Variants in LINGO2 observed in about 807,000 individuals in gnomAD.
LINGO2 encodes leucine-rich repeat and immunoglobulin-like domain-containing nogo receptor-interacting protein 2.
Under a neutral mutation model 30.6 loss-of-function variants are expected in LINGO2, and 14 were observed. The observed-to-expected ratio is 0.46, with a 90% CI of 0.30 to 0.72. The LOEUF (loss-of-function observed/expected upper bound fraction) is 0.72. LINGO2 is among the 30% of genes least tolerant of loss of function. The pLI is 0.07. For missense variants in LINGO2, 729 were observed against 751.7 expected, an observed-to-expected ratio of 0.97 and a Z score of 0.35; for synonymous variants, 317 against 288.5, an observed-to-expected ratio of 1.10 and a Z score of -1.00.
At chr9:28,671,990 T>C (rs973916867), upstream of LINGO2, among the ~76,000 whole-genome samples, 1 of 152,140 alleles carries the variant, frequency 6.6e-6, no homozygotes, top group African/African-American at 2.4e-5. Context: ...ATATTTCTTA[T>C]TATGTGCTTT....
intron 4 of LINGO2, among the ~76,000 whole-genome samples, chr9:28,271,438 A>C (rs1008713730): frequency 6.6e-6 from 1 of 151,082 alleles, no homozygotes; most frequent in African/African-American, 2.5e-5. Flanking sequence ...GTAAATAATT[A>C]AGAAGTAAAA....
chr9:28,424,098 A>G (rs1823311290), intron 2 of LINGO2, among the ~76,000 whole-genome samples: 1 of 152,104 alleles, frequency 6.6e-6, no homozygotes, highest in South Asian at 2.1e-4. Context: ...ATACTAATTT[A>G]TAAGGAAATT....
At chr9:29,055,796 T>C in the LINGO2 span, among the ~76,000 whole-genome samples, 3 of 151,960 alleles carry the variant, frequency 2.0e-5, no homozygotes, top group Non-Finnish European at 4.4e-5. Flanking sequence ...CTCCCACTTA[T>C]GAGTGAGAAC....
intron 4 of LINGO2, among the ~76,000 whole-genome samples, chr9:28,282,074 G>C (rs758977893): frequency 7.2e-5 from 11 of 152,134 alleles, no homozygotes; most frequent in Non-Finnish European, 1.5e-4. Flanking sequence ...GTAGAGGCCA[G>C]ATGCAGACTT....
chr9:28,121,208 T>A (rs1251162267), intron 4 of LINGO2, among the ~76,000 whole-genome samples: 1 of 152,014 alleles, frequency 6.6e-6, no homozygotes, highest in Non-Finnish European at 1.5e-5. Context: ...AGAGAGCAAT[T>A]GTATATATGC....
chr9:28,031,550 A>G (rs1265271714), intron 4 of LINGO2, among the ~76,000 whole-genome samples: 2 of 152,190 alleles, frequency 1.3e-5, no homozygotes, highest in Non-Finnish European at 2.9e-5. Context: ...AGGATCTGCC[A>G]CTTACTTGCT....
intron 5 of LINGO2, among the ~76,000 whole-genome samples, chr9:28,003,392 G>C (rs1433435639): frequency 2.0e-5 from 3 of 148,270 alleles, no homozygotes; most frequent in Admixed American, 1.3e-4. Flanking sequence ...GATATAGAGA[G>C]AGAGAGAGTT....
At chr9:28,408,645 G>T (rs1822612839) in intron 2 of LINGO2, among the ~76,000 whole-genome samples, 1 of 151,284 alleles carries the variant, frequency 6.6e-6, no homozygotes, top group African/African-American at 2.4e-5. Context: ...GGGAGGGATG[G>T]CATTAGGAGA....
the LINGO2 span, among the ~76,000 whole-genome samples, chr9:28,979,836 T>C: frequency 7.9e-5 from 12 of 152,146 alleles, no homozygotes; most frequent in African/African-American, 2.2e-4. Flanking sequence ...CGCTTTTTGA[T>C]ATTTGACTGT....
chr9:28,667,493 C>A (rs1228164039), intron 1 of LINGO2, among the ~76,000 whole-genome samples: 1 of 152,084 alleles, frequency 6.6e-6, no homozygotes, highest in African/African-American at 2.4e-5. Flanking sequence ...CTTGTAATCC[C>A]AGCATTTTGG....
chr9:27,997,399 T>TC (rs1480393857), intron 5 of LINGO2, among the ~76,000 whole-genome samples: 4 of 151,010 alleles, frequency 2.6e-5, no homozygotes, highest in Admixed American at 1.3e-4. Flanking sequence ...TGCTCCCCCC[T>TC]CCCCCCGTCA....
At chr9:28,714,438 C>T in the LINGO2 span, among the ~76,000 whole-genome samples, 10 of 152,032 alleles carry the variant, frequency 6.6e-5, no homozygotes, top group East Asian at 1.9e-4. Context: ...CTGTAATATG[C>T]AGTGTTTTCA....
the LINGO2 span, among the ~76,000 whole-genome samples, chr9:28,696,029 T>C: frequency 6.6e-6 from 1 of 151,904 alleles, no homozygotes; most frequent in Non-Finnish European, 1.5e-5. Context: ...GTTTCCTTAC[T>C]TTTTCCCCTC....
At chr9:28,800,846 A>G in the LINGO2 span, among the ~76,000 whole-genome samples, 6 of 152,136 alleles carry the variant, frequency 3.9e-5, no homozygotes, top group African/African-American at 7.2e-5. Context: ...ATGGGGTTAT[A>G]TTACAATGAG....
the LINGO2 span, among the ~76,000 whole-genome samples, chr9:28,995,787 G>T: frequency 6.6e-6 from 1 of 151,698 alleles, no homozygotes; most frequent in Non-Finnish European, 1.5e-5. Flanking sequence ...ACCAAACACC[G>T]CATGTTCTCA....
chr9:28,592,329 TCTAA>T (rs1253926685), intron 1 of LINGO2, among the ~76,000 whole-genome samples: 1 of 152,066 alleles, frequency 6.6e-6, no homozygotes, highest in African/African-American at 2.4e-5. Context: ...GAAAAGGCAA[TCTAA>T]CTAACTTAAA....
exon 6 of LINGO2, chr9:27,950,059 T>C (rs139015217): frequency 4.0e-5 from 65 of 1,614,014 alleles, no homozygotes; most frequent in Non-Finnish European, 5.5e-5. Flanking sequence ...AGATGCAGGC[T>C]GATGAGGCTG....
chr9:29,001,865 C>T, the LINGO2 span, among the ~76,000 whole-genome samples: 2 of 151,924 alleles, frequency 1.3e-5, no homozygotes, highest in South Asian at 2.1e-4. Context: ...AATACATTTT[C>T]CCCACCACTT....
chr9:28,912,525 T>C, the LINGO2 span, among the ~76,000 whole-genome samples: 12 of 152,240 alleles, frequency 7.9e-5, no homozygotes, highest in African/African-American at 2.4e-4. Flanking sequence ...CTGGAAGATA[T>C]GTGACAGTTG....
Sources: allele counts gnomAD v4.1 joint callset (sites outside exome capture counted in the v4.1 genomes callset), GRCh38; gene constraint gnomAD v4.1.1; transcripts MANE v1.5; gene names NCBI Gene and HGNC (gene_info 2026-07-23, HGNC 2026-07-21).